Variants in CPA6 observed in about 807,000 individuals in gnomAD.
The protein encoded by CPA6 is carboxypeptidase A6.
A neutral mutation model predicts 63.3 loss-of-function variants in CPA6; 58 were observed. The ratio of observed to expected loss-of-function variants is 0.92; its 90% CI spans 0.74 to 1.14. The LOEUF (loss-of-function observed/expected upper bound fraction) is 1.14. CPA6 is among the 50% of genes most tolerant of loss of function. The pLI is 0.00. For synonymous variants in CPA6, 185 were observed against 179.0 expected, an observed-to-expected ratio of 1.03 and a Z score of -0.27; for missense variants, 565 against 526.6, an observed-to-expected ratio of 1.07 and a Z score of -0.71.
At chr8:67,642,114 G>C (rs1010559595) in intron 1 of CPA6, among the ~76,000 whole-genome samples, 8 of 152,170 alleles carry the variant, frequency 5.3e-5, no homozygotes, top group Non-Finnish European at 8.8e-5. Context: ...CTGAGGTCAG[G>C]AGCTTGAGAC....
Position 67,518,012 on chromosome 8 carries a change from T to C in CPA6, c.228A>G (p.Val76=), listed in dbSNP as rs1459505705. The change falls in exon 3 of 11, where the codon GTA becomes GTG. Residue 76 remains valine, a synonymous_variant. Transcript: ENST00000297770. ...DLWQPSSISY[V]SEGTVTDVHI... is the part of the protein sequence containing the mutation. ...GGACATCAGTAACTGTTCCCTCTGA[T>C]ACATAGGAGATACTGCTGGGCTGCC... The C allele has an allele frequency of 1.2e-6, 2 of 1,611,514 alleles. No individual in the cohort carries two copies. The highest frequency in any genetic ancestry group is 1.1e-5 in the South Asian group (1 of 90,498).
chr8:67,444,502 G>A (rs1311807174), intron 8 of CPA6, among the ~76,000 whole-genome samples: 2 of 151,882 alleles, frequency 1.3e-5, no homozygotes, highest in Admixed American at 6.6e-5. Flanking sequence ...AAGTAAAATC[G>A]GCTGAGTGCA....
chr8:67,500,524 A>T (rs1811810064), intron 6 of CPA6, among the ~76,000 whole-genome samples: 2 of 152,126 alleles, frequency 1.3e-5, no homozygotes, highest in Non-Finnish European at 2.9e-5. Context: ...AAAAGTTTAA[A>T]ATTTTGATTG....
chr8:67,648,943 T>G (rs1408462409), intron 1 of CPA6, among the ~76,000 whole-genome samples: 1 of 152,186 alleles, frequency 6.6e-6, no homozygotes, highest in African/African-American at 2.4e-5. Context: ...TTTTCTTTTT[T>G]GATGATTTTA....
chr8:67,445,631 AAGAT>A (rs1184963035), intron 8 of CPA6, among the ~76,000 whole-genome samples: 15 of 152,212 alleles, frequency 9.9e-5, no homozygotes, highest in Non-Finnish European at 1.9e-4. Flanking sequence ...AAGGATGAGA[AAGAT>A]AGATGAAATC....
In CPA6 at chr8:67,624,267, A is replaced by G. The variant is rs1417697912; in HGVS notation, c.117-16T>C. 1.5e-6 allele frequency: 2 copies of G among 1,340,800 alleles called. No homozygotes were observed. The highest frequency in any genetic ancestry group is 1.2e-5 in the South Asian group (1 of 80,380). 83.1% of individuals were successfully genotyped at this position (1,340,800 alleles called of 1,614,324 possible). On this transcript the variant is annotated splice_polypyrimidine_tract_variant and intron_variant, in intron 1 of 10. Coordinates refer to ENST00000297770, the MANE Select transcript of CPA6 (RefSeq NM_020361.5). Reference sequence around the variant, plus strand: ...CACTTTATCACTACAAGATAAGAAAAGAAAGATGATAATTACTTTTCGAAA... The same window carrying G: ...CACTTTATCACTACAAGATAAGAAAGGAAAGATGATAATTACTTTTCGAAA...
chr8:67,677,128 G>A (rs968233078), intron 1 of CPA6, among the ~76,000 whole-genome samples: 4 of 152,110 alleles, frequency 2.6e-5, no homozygotes, highest in Admixed American at 6.5e-5. Context: ...TACAACCTTC[G>A]CAGTTTACCC....
chr8:67,462,153 G>A (rs937455806), intron 8 of CPA6, among the ~76,000 whole-genome samples: 3 of 151,758 alleles, frequency 2.0e-5, no homozygotes, highest in Non-Finnish European at 4.4e-5. Flanking sequence ...CATGTTCACT[G>A]CTTTTTTGGG....
At chr8:67,582,235 G>A (rs752407596) in intron 2 of CPA6, among the ~76,000 whole-genome samples, 2 of 152,076 alleles carry the variant, frequency 1.3e-5, no homozygotes, top group African/African-American at 4.8e-5. Context: ...CAGATTCATC[G>A]CACAAGGTCA....
Position 67,635,736 on chromosome 8 carries a change from C to T in CPA6, c.117-11485G>A, listed in dbSNP as rs550099113. 4.5e-4 allele frequency among the ~76,000 whole-genome samples: 69 copies of T among 151,736 alleles called. 2 individuals are homozygous for T. Among genetic ancestry groups the T allele is most frequent in the African/African-American group, 1.7e-3 (68 of 40,998 alleles). The stretch of plus-strand genomic sequence containing the variant: ...GAGCCAAGATCATGCCACTGCACTC[C>T]AGCCTGGGCAACAAAGAGTGAAACT... On this transcript the variant is annotated intron_variant, in intron 1 of 10. Transcript: ENST00000297770.
intron 1 of CPA6, among the ~76,000 whole-genome samples, chr8:67,698,157 A>G (rs1816946509): frequency 6.6e-6 from 1 of 152,178 alleles, no homozygotes; most frequent in Non-Finnish European, 1.5e-5. Context: ...CTAGGTAATA[A>G]TGAAGAGCCT....
chr8:67,506,693 C>A (rs1479005907), intron 6 of CPA6, 94 bp downstream of exon 6: 4 of 773,334 alleles, frequency 5.2e-6, no homozygotes, highest in Non-Finnish European at 4.7e-6. Context: ...AATCAGGTAT[C>A]ATTGGTTTCA....
intron 1 of CPA6, among the ~76,000 whole-genome samples, chr8:67,661,082 TA>T (rs775506443): frequency 9.9e-5 from 15 of 152,118 alleles, no homozygotes; most frequent in Admixed American, 4.6e-4. Flanking sequence ...TCACACACAA[TA>T]AGTAAAATAT....
rs189553033 is a variant in CPA6, at chr8:67,630,627, C to G, written c.117-6376G>C. Among the ~76,000 whole-genome samples, 690 of 152,370 alleles carry G rather than the reference C, an allele frequency of 4.5e-3. 25 individuals carry two copies. The highest frequency in any genetic ancestry group is 0.042 in the Admixed American group (641 of 15,308). On this transcript the variant is annotated intron_variant, in intron 1 of 10. Coordinates refer to ENST00000297770, the MANE Select transcript of CPA6 (RefSeq NM_020361.5). ...GGCCTCAATGCCCACTCTGGCCATG[C>G]TTGGGGAACCCTTGAGCCCGCTGCT...
intron 10 of CPA6, 50 bp downstream of exon 10, chr8:67,427,997 A>T (rs1282133960): frequency 8.2e-7 from 1 of 1,216,664 alleles, no homozygotes; most frequent in Middle Eastern, 1.9e-4. Context: ...ATGATACAGG[A>T]TATTGGTTCA....
chr8:67,632,148 CTGTG>C (rs35463897), intron 1 of CPA6, among the ~76,000 whole-genome samples: 4,999 of 147,596 alleles, frequency 0.034, 89 homozygotes, highest in African/African-American at 0.043. Context: ...AAAAATGATG[CTGTG>C]TGTGTGTGTG....
intron 2 of CPA6, among the ~76,000 whole-genome samples, chr8:67,591,582 T>C (rs550796333): frequency 5.3e-5 from 8 of 152,322 alleles, no homozygotes; most frequent in African/African-American, 1.9e-4. Flanking sequence ...TTTGTAGTTC[T>C]CCTTGAAGAG....
intron 1 of CPA6, among the ~76,000 whole-genome samples, chr8:67,649,773 G>A (rs1320562284): frequency 6.6e-6 from 1 of 151,978 alleles, no homozygotes; most frequent in Admixed American, 6.6e-5. Flanking sequence ...GAAATTTCTA[G>A]GAAGCAAAAA....
chr8:67,731,473 G>C (rs1025924505), intron 1 of CPA6, among the ~76,000 whole-genome samples: 2 of 152,236 alleles, frequency 1.3e-5, no homozygotes, highest in African/African-American at 4.8e-5. Context: ...CACCACCTCT[G>C]TCTGAATATT....
Sources: allele counts gnomAD v4.1 joint callset (sites outside exome capture counted in the v4.1 genomes callset), GRCh38; gene constraint gnomAD v4.1.1; transcripts MANE v1.5; gene names NCBI Gene and HGNC (gene_info 2026-07-23, HGNC 2026-07-21).